TOX: variants seen among roughly 807,000 people sequenced by gnomAD.
The protein encoded by TOX is thymocyte selection-associated high mobility group box protein TOX.
TOX carries 11 observed loss-of-function variants against 53.7 expected under a neutral mutation model. That is an observed-to-expected ratio of 0.20 (90% CI 0.13 to 0.34). TOX has a LOEUF of 0.34. Among genes scored for constraint, TOX ranks in the 10% least tolerant of loss-of-function variants. The probability of loss-of-function intolerance (pLI) is 1.00; values close to 1 mark genes in which losing one functional copy is unlikely to be tolerated. For synonymous variants in TOX, 225 were observed against 245.3 expected (o/e 0.92, Z 0.77); for missense variants, 570 against 664.6 (o/e 0.86, Z 1.56).
Position 58,966,096 on chromosome 8 carries a change from T to G in TOX, c.103-6088A>C, listed in dbSNP as rs557314892. 6.5e-4 allele frequency among the ~76,000 whole-genome samples: 99 copies of G among 152,060 alleles called. 2 individuals carry two copies. The highest frequency in any genetic ancestry group is 1.3e-4 in the Admixed American group (2 of 15,262). ...ACTGAGCAAAGCTAACCCCCACACTTACTGCACATCCTCACCAGTCTCAAG... is the reference window on the plus strand; with the variant it reads ...ACTGAGCAAAGCTAACCCCCACACTGACTGCACATCCTCACCAGTCTCAAG... On this transcript the variant is annotated intron_variant, in intron 1 of 8. Coordinates refer to ENST00000361421, the MANE Select transcript of TOX (RefSeq NM_014729.3).
chr8:59,040,359 A>G (rs1203098971), intron 1 of TOX, among the ~76,000 whole-genome samples: 1 of 150,124 alleles, frequency 6.7e-6, no homozygotes, highest in Non-Finnish European at 1.5e-5. Context: ...AAGAAGCATC[A>G]ATTTCCTTCC....
At chr8:59,110,542 C>T (rs1804996598) in intron 1 of TOX, among the ~76,000 whole-genome samples, 1 of 152,138 alleles carries the variant, frequency 6.6e-6, no homozygotes, top group Non-Finnish European at 1.5e-5. Flanking sequence ...TTTCACATCT[C>T]TGACCCATAT....
At chr8:58,847,845 T>A (rs552853896) in intron 4 of TOX, among the ~76,000 whole-genome samples, 4 of 152,072 alleles carry the variant, frequency 2.6e-5, no homozygotes, top group Non-Finnish European at 5.9e-5. Flanking sequence ...TGAAATAATA[T>A]AATATCTTCA....
At position 59,008,652 on chromosome 8, in the gene TOX, G is replaced by A. The variant is rs1813838512; in HGVS notation, c.103-48644C>T. On this transcript the variant is annotated intron_variant, in intron 1 of 8. Coordinates refer to ENST00000361421, the MANE Select transcript of TOX (RefSeq NM_014729.3). The stretch of plus-strand genomic sequence containing the variant: ...CATGAGACGTAATGACCAGTCATAC[G>A]TCCTGCAGGGTTCAATGGCGGTGAC... Among the ~76,000 whole-genome samples, 5 of 152,134 alleles carry A rather than the reference G, an allele frequency of 3.3e-5. No homozygotes were observed. In the South Asian group the frequency reaches 1.0e-3, roughly 32 times the overall value.
chr8:59,006,341 T>A (rs1813792356), intron 1 of TOX, among the ~76,000 whole-genome samples: 1 of 152,244 alleles, frequency 6.6e-6, no homozygotes, highest in African/African-American at 2.4e-5. Flanking sequence ...CACTGGGTTC[T>A]GCCACTGGCT....
In TOX at chr8:58,873,958, C is replaced by CTTTTTTT. The variant is rs1173710545; in HGVS notation, c.412-22160_412-22154dup. Among the ~76,000 whole-genome samples, 132 of 40,124 alleles carry CTTTTTTT rather than the reference C, an allele frequency of 3.3e-3. 45 individuals carry two copies. Among genetic ancestry groups the CTTTTTTT allele is most frequent in the African/African-American group, 0.017 (97 of 5,784 alleles). 26.3% of individuals were successfully genotyped at this position (40,124 alleles called of 152,430 possible). A position where few individuals can be genotyped will look rare whatever the true frequency, so the allele number is the denominator to read the frequency against. ...AATACACATCCTGAATGCCAGGAAG[C>CTTTTTTT]TTTTTTTTTTTTTTTTTTTTTTTTT... On this transcript the variant is annotated intron_variant, in intron 3 of 8. Coordinates refer to ENST00000361421, the MANE Select transcript of TOX (RefSeq NM_014729.3).
At chr8:58,848,960 G>T (rs1184249044) in intron 4 of TOX, among the ~76,000 whole-genome samples, 1 of 152,036 alleles carries the variant, frequency 6.6e-6, no homozygotes, top group Non-Finnish European at 1.5e-5. Flanking sequence ...TGTTAGAAAT[G>T]ATTTAAATGA....
At chr8:59,034,254 A>G (rs1032191218) in intron 1 of TOX, among the ~76,000 whole-genome samples, 2 of 152,254 alleles carry the variant, frequency 1.3e-5, no homozygotes, top group Non-Finnish European at 2.9e-5. Context: ...GTTAACCGTT[A>G]CCAGATAAGA....
At chr8:58,896,674 AAAAATAAAAT>A (rs141360838) in intron 3 of TOX, among the ~76,000 whole-genome samples, 93,082 of 149,322 alleles carry the variant, frequency 0.62, 29,103 homozygotes, top group Middle Eastern at 0.69. Context: ...AATCCATCTC[AAAAATAAAAT>A]AAAATAAAAT....
chr8:58,947,239 A>G (rs1039020360), intron 2 of TOX, among the ~76,000 whole-genome samples: 2 of 152,148 alleles, frequency 1.3e-5, no homozygotes, highest in African/African-American at 4.8e-5. Context: ...GATAATTTTA[A>G]GATCCATAGG....
intron 3 of TOX, among the ~76,000 whole-genome samples, chr8:58,914,487 T>C (rs936093141): frequency 3.9e-5 from 6 of 152,170 alleles, no homozygotes; most frequent in Non-Finnish European, 5.9e-5. Flanking sequence ...TTCAGGGGTA[T>C]TTTTGCCTTC....
At chr8:59,007,106 G>A (rs1337004852) in intron 1 of TOX, among the ~76,000 whole-genome samples, 1 of 152,144 alleles carries the variant, frequency 6.6e-6, no homozygotes, top group Admixed American at 6.5e-5. Flanking sequence ...TAACAATAGT[G>A]TATTTCCAGG....
chr8:58,972,575 A>C (rs895419497), intron 1 of TOX, among the ~76,000 whole-genome samples: 7 of 152,154 alleles, frequency 4.6e-5, no homozygotes, highest in African/African-American at 1.4e-4. Context: ...TTATGCATTG[A>C]ATTATCCATA....
At chr8:59,014,172 A>G (rs1813966360) in intron 1 of TOX, among the ~76,000 whole-genome samples, 1 of 152,218 alleles carries the variant, frequency 6.6e-6, no homozygotes, top group Non-Finnish European at 1.5e-5. Flanking sequence ...TATATTGAAA[A>G]CAAGACTTTT....
At chr8:58,996,456 T>A (rs528667709) in intron 1 of TOX, among the ~76,000 whole-genome samples, 10 of 152,344 alleles carry the variant, frequency 6.6e-5, no homozygotes, top group South Asian at 6.2e-4. Context: ...TTTTAAGTCC[T>A]TTCTGGAAAA....
intron 1 of TOX, among the ~76,000 whole-genome samples, chr8:58,968,016 CAG>C (rs1447719439): frequency 3.3e-5 from 5 of 152,090 alleles, no homozygotes; most frequent in African/African-American, 1.2e-4. Flanking sequence ...TATGCAAAGA[CAG>C]AAACAAACTT....
intron 7 of TOX, chr8:58,814,424 C>G (rs888791737): frequency 1.3e-5 from 2 of 152,046 alleles, no homozygotes; most frequent in Non-Finnish European, 2.9e-5. Flanking sequence ...TCCATAGAGA[C>G]TATAAAAGAT....
chr8:58,842,205 G>C (rs558555585), intron 4 of TOX, among the ~76,000 whole-genome samples: 1 of 152,082 alleles, frequency 6.6e-6, no homozygotes, highest in South Asian at 2.1e-4. Context: ...GGTGAGTCAG[G>C]AGACTGGGGT....
chr8:58,814,780 T>G (rs570472904), intron 7 of TOX, among the ~76,000 whole-genome samples: 1 of 152,304 alleles, frequency 6.6e-6, no homozygotes, highest in Admixed American at 6.5e-5. Flanking sequence ...GTTTTTCAAT[T>G]TATGCAGAAG....
Sources: gnomAD v4.1 joint callset for allele counts (sites outside exome capture counted in the v4.1 genomes callset) on GRCh38, gnomAD v4.1.1 for gene constraint, MANE v1.5 for transcripts, NCBI Gene and HGNC (gene_info 2026-07-23, HGNC 2026-07-21) for gene names.